Variants in SULF1 observed in about 807,000 individuals in gnomAD.
The protein encoded by SULF1 is extracellular sulfatase Sulf-1.
A neutral mutation model predicts 110.5 loss-of-function variants in SULF1; 46 were observed. The ratio of observed to expected loss-of-function variants is 0.42; its 90% CI spans 0.33 to 0.53. SULF1 has a LOEUF of 0.53. Among genes scored for constraint, SULF1 ranks in the 20% least tolerant of loss-of-function variants. SULF1 has a pLI of 0.12. For missense variants in SULF1, 941 were observed against 1,094.2 expected (o/e 0.86, Z 1.98); for synonymous variants, 371 against 387.1 (o/e 0.96, Z 0.49).
chr8:69,497,826 C>T lies in SULF1; in HGVS notation c.-229+1900C>T, dbSNP rs145036678. 2.4e-3 allele frequency among the ~76,000 whole-genome samples: 363 copies of T among 152,200 alleles called. 1 individual carries two copies. The highest frequency in any genetic ancestry group is 3.6e-3 in the Non-Finnish European group (247 of 68,024). The stretch of plus-strand genomic sequence containing the variant: ...AGCATGGATTCCTAAGTGCTAACTG[C>T]AGTAACACACTGACACAGAGAGCAA... On this transcript the variant is annotated intron_variant, in intron 2 of 22. Coordinates refer to ENST00000402687, the MANE Select transcript of SULF1 (RefSeq NM_001128205.2).
chr8:69,543,237 T>G (rs1813984343), intron 3 of SULF1, among the ~76,000 whole-genome samples: 1 of 152,304 alleles, frequency 6.6e-6, no homozygotes, highest in Non-Finnish European at 1.5e-5. Context: ...TCTTTTAAAT[T>G]CCAGGGTACA....
chr8:69,549,611 T>C (rs922350620), intron 3 of SULF1, among the ~76,000 whole-genome samples: 1 of 152,090 alleles, frequency 6.6e-6, no homozygotes, highest in Non-Finnish European at 1.5e-5. Context: ...GGAATTTTCA[T>C]GGACTGGGGA....
Position 69,551,387 on chromosome 8 carries a change from G to A in SULF1, c.-133-12152G>A, listed in dbSNP as rs146693478. Among the ~76,000 whole-genome samples the A allele has an allele frequency of 7.9e-5, 12 of 152,304 alleles. No homozygotes were observed. In the East Asian group the frequency reaches 1.4e-3, roughly 17 times the overall value. On this transcript the variant is annotated intron_variant, in intron 3 of 22. Coordinates refer to ENST00000402687, the MANE Select transcript of SULF1 (RefSeq NM_001128205.2). ...TCCTTCAGACATGGAAAGAGAGTACGTAGAAAGAGATGTTAGCTGGTCATT... is the reference window on the plus strand; with the variant it reads ...TCCTTCAGACATGGAAAGAGAGTACATAGAAAGAGATGTTAGCTGGTCATT...
intron 1 of SULF1, 46 bp from the exon 2 acceptor site, chr8:69,495,719 G>A (rs1336129472): frequency 6.6e-6 from 1 of 152,220 alleles, no homozygotes; most frequent in Non-Finnish European, 1.5e-5. Flanking sequence ...AAGCACATAT[G>A]CATGAAGAAG....
At chr8:69,485,721 C>T (rs1170699041) in intron 1 of SULF1, among the ~76,000 whole-genome samples, 1 of 152,224 alleles carries the variant, frequency 6.6e-6, no homozygotes, top group Admixed American at 6.5e-5. Flanking sequence ...AATGCCTGCT[C>T]CTGTGCGTTC....
chr8:69,626,290 A>C (rs1433500226), intron 15 of SULF1, among the ~76,000 whole-genome samples: 1 of 151,468 alleles, frequency 6.6e-6, no homozygotes, highest in Non-Finnish European at 1.5e-5. Flanking sequence ...GAGCAGCTAC[A>C]TACAGAGTGT....
chr8:69,571,581 G>T (rs1160488512), intron 5 of SULF1, among the ~76,000 whole-genome samples: 1 of 152,150 alleles, frequency 6.6e-6, no homozygotes, highest in Non-Finnish European at 1.5e-5. Context: ...TAATAACTGA[G>T]AATCAGCACC....
intron 7 of SULF1, among the ~76,000 whole-genome samples, chr8:69,586,771 C>T (rs967406839): frequency 3.3e-5 from 5 of 152,118 alleles, no homozygotes; most frequent in Non-Finnish European, 5.9e-5. Flanking sequence ...ATTCTCTGCT[C>T]TCTTATGATA....
At chr8:69,654,986 G>A (rs1477499531) in intron 22 of SULF1, among the ~76,000 whole-genome samples, 1 of 152,146 alleles carries the variant, frequency 6.6e-6, no homozygotes, top group Admixed American at 6.5e-5. Context: ...GTCCAAATTA[G>A]TACAGTATTT....
chr8:69,625,006 A>T (rs1461958277), intron 15 of SULF1, among the ~76,000 whole-genome samples: 1 of 152,162 alleles, frequency 6.6e-6, no homozygotes, highest in East Asian at 1.9e-4. Flanking sequence ...AAGTTGATGC[A>T]GTTATATACT....
intron 5 of SULF1, among the ~76,000 whole-genome samples, chr8:69,571,132 A>G (rs543762325): frequency 2.0e-5 from 3 of 152,380 alleles, no homozygotes; most frequent in African/African-American, 7.2e-5. Context: ...GTCTTACAGC[A>G]TAGAAAAGGT....
chr8:69,469,395 A>T (rs1808993698), intron 1 of SULF1: 1 of 152,220 alleles, frequency 6.6e-6, no homozygotes, highest in African/African-American at 2.4e-5. Flanking sequence ...GGTATGCATT[A>T]AGGTGACAGA....
chr8:69,658,441 C>A, intron 22 of SULF1, 64 bp from the exon 23 acceptor site: 1 of 1,191,444 alleles, frequency 8.4e-7, no homozygotes, highest in Non-Finnish European at 1.2e-6. Flanking sequence ...ATGTAAGTTG[C>A]TTGTCCAGGT....
chr8:69,582,214 A>T (rs1806119842), intron 6 of SULF1, among the ~76,000 whole-genome samples: 1 of 152,248 alleles, frequency 6.6e-6, no homozygotes, highest in African/African-American at 2.4e-5. Context: ...CTAATTAAGC[A>T]GAAAAATGTA....
intron 19 of SULF1, among the ~76,000 whole-genome samples, chr8:69,634,748 A>G (rs1481947282): frequency 6.6e-6 from 1 of 152,140 alleles, no homozygotes; most frequent in Admixed American, 6.5e-5. Flanking sequence ...TCAAAGAAAA[A>G]AAAAGAGAGA....
At chr8:69,504,512 G>A (rs1015863538) in intron 3 of SULF1, among the ~76,000 whole-genome samples, 25 of 152,104 alleles carry the variant, frequency 1.6e-4, no homozygotes, top group African/African-American at 5.6e-4. Flanking sequence ...CCAAGATTGT[G>A]CCATTGTACT....
At chr8:69,476,072 A>T (rs1218980311) in intron 1 of SULF1, among the ~76,000 whole-genome samples, 3 of 152,202 alleles carry the variant, frequency 2.0e-5, no homozygotes, top group Admixed American at 2.0e-4. Context: ...CATGAAATTT[A>T]AAAAGTCTAG....
chr8:69,627,041 C>T (rs558252622), intron 15 of SULF1, among the ~76,000 whole-genome samples, 169 bp from the exon 16 acceptor site: 121 of 152,368 alleles, frequency 7.9e-4, no homozygotes, highest in African/African-American at 2.8e-3. Flanking sequence ...ACTGCCAGCA[C>T]GCTGTCACCT....
chr8:69,573,922 C>T (rs1805419690), intron 5 of SULF1, among the ~76,000 whole-genome samples: 1 of 152,190 alleles, frequency 6.6e-6, no homozygotes, highest in South Asian at 2.1e-4. Context: ...CCAGCCTTCT[C>T]ATGCATCACC....
Sources: gnomAD v4.1 joint callset for allele counts (sites outside exome capture counted in the v4.1 genomes callset) on GRCh38, gnomAD v4.1.1 for gene constraint, MANE v1.5 for transcripts, NCBI Gene and HGNC (gene_info 2026-07-23, HGNC 2026-07-21) for gene names.